The following LRP2 variants were observed in gnomAD, a reference collection of about 807,000 sequenced individuals.
The protein encoded by LRP2 is LDL receptor related protein 2, also known as low-density lipoprotein receptor-related protein 2.
Under a neutral mutation model 531.0 loss-of-function variants are expected in LRP2, and 172 were observed. The ratio of observed to expected loss-of-function variants is 0.32; its 90% confidence interval spans 0.29 to 0.37. The LOEUF is 0.37. Among genes scored for constraint, LRP2 ranks in the 10% least tolerant of loss-of-function variants. The pLI, the probability that LRP2 is intolerant of heterozygous loss-of-function variation, is 1.00. For synonymous variants in LRP2, 1,992 were observed against 2,027.6 expected (o/e 0.98, Z 0.47); for missense variants, 5,167 against 5,868.3 (o/e 0.88, Z 3.90).
In LRP2 at chr2:169,162,578, A is replaced by G. The variant is rs150748176; in HGVS notation, c.11781T>C (p.Pro3927=). ...CACACTTATATTCATATTCTGTACAAGGTTTAGGGGTCGGTTTTCTACCTG... is the reference window on the plus strand; with the variant it reads ...CACACTTATATTCATATTCTGTACAGGGTTTAGGGGTCGGTTTTCTACCTG... The part of the protein sequence containing the change: ...EEHCRKPTPK[P]CTEYEYKCGN... The change falls in exon 63 of 79, where the codon CCT becomes CCC. Residue 3927 remains proline (P), a synonymous_variant. Coordinates refer to ENST00000649046, the MANE Select transcript of LRP2 (RefSeq NM_004525.3). 31 of 1,614,074 alleles carry G rather than the reference A, an allele frequency of 1.9e-5. No individual in the cohort carries two copies. Among genetic ancestry groups the G allele is most frequent in the Middle Eastern group, 1.6e-4 (1 of 6,084 alleles).
At chr2:169,153,054 T>G in intron 66 of LRP2, 90 bp from the exon 67 acceptor site, 1 of 1,120,692 alleles carries the variant, frequency 8.9e-7, no homozygotes, top group South Asian at 1.2e-5. Flanking sequence ...ACTGTTCGTT[T>G]ATTGACATCT....
intron 4 of LRP2, among the ~76,000 whole-genome samples, chr2:169,299,163 GAAA>G (rs1559064087): frequency 5.3e-5 from 1 of 18,732 alleles, no homozygotes; most frequent in Non-Finnish European, 1.9e-4. Context: ...AAGAAAAAAA[GAAA>G]GAAAGAAAAA....
intron 34 of LRP2, among the ~76,000 whole-genome samples, chr2:169,219,936 C>T (rs944836218): frequency 2.0e-5 from 3 of 152,082 alleles, no homozygotes; most frequent in African/African-American, 4.8e-5. Context: ...GTTGTATCTC[C>T]CATGTGGTCA....
intron 49 of LRP2, among the ~76,000 whole-genome samples, chr2:169,187,138 T>A (rs1208504621): frequency 6.6e-6 from 1 of 152,144 alleles, no homozygotes; most frequent in East Asian, 1.9e-4. Context: ...TTATAATAGG[T>A]AAACACGTGC....
intron 1 of LRP2, among the ~76,000 whole-genome samples, chr2:169,337,355 A>G (rs913402731): frequency 2.6e-5 from 4 of 152,132 alleles, no homozygotes; most frequent in Non-Finnish European, 4.4e-5. Context: ...GGCTCCTAAC[A>G]TCGTACCACA....
In LRP2 at chr2:169,139,371, G is replaced by A; in HGVS notation, c.13268C>T (p.Thr4423Ile). The change falls in exon 74 of 79, where the codon ACC becomes ATC. Residue 4423 changes from threonine (T) to isoleucine (I), a missense_variant and splice_region_variant. Physicochemically the swap from Thr to Ile is moderately conservative, Grantham distance 89. This residue lies in a region of LRP2 where 348 missense variants were observed against 369.3 expected (regional missense o/e 0.94). Transcript: ENST00000649046. Reference sequence around the variant, plus strand: ...GATTGTCAACAGCACAGCTACTGCGGCTATAGAAGAAGATAGCAGAGAGCA... The same window carrying A: ...GATTGTCAACAGCACAGCTACTGCGACTATAGAAGAAGATAGCAGAGAGCA... ...AFSKGISPGTTAVAVLLTILL... is the reference protein window; with the variant it reads ...AFSKGISPGTIAVAVLLTILL... 6.2e-7 allele frequency: 1 copy of A among 1,614,160 alleles called. No homozygotes were observed. The highest frequency in any genetic ancestry group is 1.1e-5 in the South Asian group (1 of 91,090).
At chr2:169,205,099 C>A in intron 41 of LRP2, among the ~76,000 whole-genome samples, 1 of 149,706 alleles carries the variant, frequency 6.7e-6, no homozygotes. Context: ...CAGAAAAAAA[C>A]ATAATATCAA....
At chr2:169,266,242 G>C (rs1690794572) in intron 16 of LRP2, among the ~76,000 whole-genome samples, 1 of 151,666 alleles carries the variant, frequency 6.6e-6, no homozygotes, top group South Asian at 2.1e-4. Context: ...CGCTCACCTA[G>C]AACAAGGAAG....
At chr2:169,146,075 A>G in intron 69 of LRP2, 152 bp from the exon 70 acceptor site, 1 of 742,918 alleles carries the variant, frequency 1.3e-6, no homozygotes, top group Non-Finnish European at 2.3e-6. Flanking sequence ...GGCTGACTTT[A>G]GCTACATGGG....
chr2:169,282,133 T>A (rs1218977554), intron 10 of LRP2, among the ~76,000 whole-genome samples: 1 of 152,186 alleles, frequency 6.6e-6, no homozygotes, highest in African/African-American at 2.4e-5. Context: ...GCAAATCAGG[T>A]ATTTCTACAC....
chr2:169,343,621 G>A (rs1164811689), intron 1 of LRP2, among the ~76,000 whole-genome samples: 1 of 152,156 alleles, frequency 6.6e-6, no homozygotes, highest in Non-Finnish European at 1.5e-5. Context: ...GGAAACTGAA[G>A]CTCAGAGAGC....
At chr2:169,353,354 A>G (rs1019706987) in intron 1 of LRP2, among the ~76,000 whole-genome samples, 3 of 152,160 alleles carry the variant, frequency 2.0e-5, no homozygotes, top group African/African-American at 7.2e-5. Flanking sequence ...CAGACCGCAC[A>G]CAAAGGTGAA....
intron 7 of LRP2, 55 bp downstream of exon 7, chr2:169,292,198 G>C: frequency 7.7e-7 from 1 of 1,291,292 alleles, no homozygotes; most frequent in South Asian, 1.2e-5. Flanking sequence ...AAAAACAAGC[G>C]CTGGAAAACA....
chr2:169,127,752 A>ATT lies in LRP2; in HGVS notation c.*909_*910dup, dbSNP rs11411235. 0.018 allele frequency: 2,675 copies of ATT among 148,392 alleles called. 45 individuals are homozygous for ATT. The highest frequency in any genetic ancestry group is 0.025 in the Non-Finnish European group (1,656 of 67,000). 9.2% of individuals were successfully genotyped at this position (148,392 alleles called of 1,614,324 possible). A position where few individuals can be genotyped will look rare whatever the true frequency, so the allele number is the denominator to read the frequency against. On this transcript the variant is annotated 3_prime_UTR_variant, in exon 79 of 79. Transcript: ENST00000649046. ...CCAGTTGAGGCTTTACTTAACTGGT[A>ATT]TTTTTTTTTTTTGCACCTTATTTTA...
At chr2:169,347,529 A>T (rs180870158) in intron 1 of LRP2, among the ~76,000 whole-genome samples, 101 of 152,258 alleles carry the variant, frequency 6.6e-4, no homozygotes, top group Admixed American at 1.4e-3. Context: ...GGAAGGTTAA[A>T]ATTGAACTCT....
intron 1 of LRP2, among the ~76,000 whole-genome samples, chr2:169,342,028 T>C (rs916021277): frequency 6.6e-6 from 1 of 152,190 alleles, no homozygotes; most frequent in East Asian, 1.9e-4. Context: ...GCCCTCTAAA[T>C]GCTGGCAGGG....
rs151079411 is a variant in LRP2, at chr2:169,235,929, G to A, written c.4831C>T (p.Leu1611=). The change falls in exon 29 of 79, where the codon CTG becomes TTG. Residue 1611 remains leucine, a synonymous_variant. Transcript: ENST00000649046. ...CGLTIDYPNR[L]LYFMDSYLDY... is the part of the protein sequence containing the mutation. ...AGATAGGAGTCCATGAAGTAGAGCA[G>A]TCTGTTGGGGTAGTCAATAGTTAAG... 1,804 of 1,614,158 alleles carry A rather than the reference G, an allele frequency of 1.1e-3. 7 individuals carry two copies. Among genetic ancestry groups the A allele is most frequent in the Non-Finnish European group, 1.1e-3 (1,244 of 1,180,000 alleles).
At chr2:169,213,555 T>C (rs1460085962) in intron 36 of LRP2, 102 bp downstream of exon 36, 2 of 937,306 alleles carry the variant, frequency 2.1e-6, no homozygotes, top group Non-Finnish European at 3.5e-6. Context: ...TGTATGCACG[T>C]GTATGTACGT....
chr2:169,330,395 A>C (rs1277556967), intron 1 of LRP2, among the ~76,000 whole-genome samples: 1 of 152,144 alleles, frequency 6.6e-6, no homozygotes, highest in Non-Finnish European at 1.5e-5. Context: ...GAGCAATGAG[A>C]GATTTAAACT....
Sources: allele counts gnomAD v4.1 joint callset (sites outside exome capture counted in the v4.1 genomes callset), GRCh38; gene constraint gnomAD v4.1.1; regional missense constraint gnomAD v4.1.1; transcripts MANE v1.5; gene names NCBI Gene and HGNC (gene_info 2026-07-23, HGNC 2026-07-21).